The following KANK4 variants were observed in gnomAD, a reference collection of about 807,000 sequenced individuals.
KANK4 encodes KN motif and ankyrin repeat domains 4.
In KANK4, 50 loss-of-function variants were observed where a neutral mutation model predicts 80.8. That is an observed-to-expected ratio of 0.62 (90% confidence interval 0.49 to 0.78). The LOEUF is 0.78. Ranked by LOEUF, KANK4 falls within the 30% of genes least tolerant of loss-of-function variation. The probability of loss-of-function intolerance (pLI) is 0.00; values close to 1 mark genes in which losing one functional copy is unlikely to be tolerated. For synonymous variants in KANK4, 465 were observed against 506.9 expected (o/e 0.92, Z 1.11); for missense variants, 1,196 against 1,240.1 (o/e 0.96, Z 0.53).
chr1:62,257,758 C>T (rs1377121196), intron 7 of KANK4, among the ~76,000 whole-genome samples: 1 of 152,200 alleles, frequency 6.6e-6, no homozygotes, highest in Non-Finnish European at 1.5e-5. Context: ...CCCCAACCCC[C>T]TTCTTACTTT....
At chr1:62,290,474 A>G (rs1672655434) in intron 1 of KANK4, among the ~76,000 whole-genome samples, 1 of 152,226 alleles carries the variant, frequency 6.6e-6, no homozygotes, top group African/African-American at 2.4e-5. Flanking sequence ...CAAGAAGAGC[A>G]CAGCTCAGTA....
rs1435622132 is a variant in KANK4 at position 62,281,569 on chromosome 1, G to A, written c.-5C>T. On this transcript the variant is annotated 5_prime_UTR_variant, in exon 2 of 10. Transcript: ENST00000371153. ...CCTACCATCTGTCTTCTCCATCTTT[G>A]GAGCGCTGACCCTCAGTGTCTCAGG... The A allele has an allele frequency of 1.2e-6, 2 of 1,613,982 alleles. No individual in the cohort carries two copies. Among genetic ancestry groups the A allele is most frequent in the African/African-American group, 1.3e-5 (1 of 74,890 alleles).
chr1:62,268,683 G>A (rs532615917), intron 4 of KANK4, among the ~76,000 whole-genome samples, 178 bp from the exon 5 acceptor site: 3 of 152,246 alleles, frequency 2.0e-5, no homozygotes, highest in Admixed American at 2.0e-4. Flanking sequence ...AGAAAGACAT[G>A]CAGTAAAGGG....
At chr1:62,305,472 C>T (rs1410423208) in intron 1 of KANK4, among the ~76,000 whole-genome samples, 2 of 152,116 alleles carry the variant, frequency 1.3e-5, no homozygotes, top group East Asian at 1.9e-4. Flanking sequence ...CCAAGCCTGG[C>T]TAATTTTTTT....
At chr1:62,252,947 C>G (rs1365003667) in intron 8 of KANK4, 120 bp downstream of exon 8, 56 of 1,242,016 alleles carry the variant, frequency 4.5e-5, no homozygotes, top group Non-Finnish European at 6.1e-5. Context: ...ATTTGGAGGT[C>G]CCAGCCTCCT....
intron 1 of KANK4, among the ~76,000 whole-genome samples, chr1:62,313,921 C>T (rs1057227422): frequency 2.0e-5 from 3 of 152,122 alleles, no homozygotes; most frequent in African/African-American, 4.8e-5. Flanking sequence ...CATTCATACT[C>T]AACGTCGTAC....
intron 2 of KANK4, 67 bp from the exon 3 acceptor site, chr1:62,275,154 G>T: frequency 8.4e-7 from 1 of 1,195,996 alleles, no homozygotes; most frequent in Non-Finnish European, 1.2e-6. Context: ...GGGCGATGAG[G>T]CCTAATATCT....
chr1:62,242,441 C>G (rs1671367372), intron 9 of KANK4, among the ~76,000 whole-genome samples: 1 of 148,178 alleles, frequency 6.7e-6, no homozygotes, highest in African/African-American at 2.5e-5. Context: ...GTGTGTGTAT[C>G]CATGTGTTGG....
At position 62,273,289 on chromosome 1, in the gene KANK4, G is replaced by A. The variant is rs61623093; in HGVS notation, c.1815C>T (p.Ser605=). The A allele has an allele frequency of 0.061, 97,466 of 1,589,914 alleles. 4,772 individuals carry two copies. The highest frequency in any genetic ancestry group is 0.24 in the African/African-American group (17,483 of 74,324). ...AGGCCGACAGCAGCAGGTTGAGGGA[G>A]CTCAGCAGCTGGCTCTGGATGCTGC... is the stretch of plus-strand genomic sequence containing the variant. The part of the protein sequence containing the change: ...KLSSIQSQLL[S]SLNLLLSAYS... The change falls in exon 3 of 10, where the codon AGC becomes AGT. Residue 605 remains serine (S), a synonymous_variant. Transcript: ENST00000371153.
In KANK4 at chr1:62,274,690, T is replaced by C. The variant is rs2149144172; in HGVS notation, c.414A>G (p.Arg138=). 1.9e-6 allele frequency: 3 copies of C among 1,614,148 alleles called. No individual in the cohort carries two copies. The highest frequency in any genetic ancestry group is 2.5e-6 in the Non-Finnish European group (3 of 1,180,020). ...CCTCTGGCTCAGCAGCTTCCAACTGTCTGGTGGCCTCTGCCAACAGAGCCT... is the reference window on the plus strand; with the variant it reads ...CCTCTGGCTCAGCAGCTTCCAACTGCCTGGTGGCCTCTGCCAACAGAGCCT... The part of the protein sequence containing the change: ...HRKALLAEAT[R]QLEAAEPEDA... The change falls in exon 3 of 10, where the codon AGA becomes AGG. Residue 138 remains arginine (R), a synonymous_variant. Transcript: ENST00000371153.
rs188224056 is a variant in KANK4 at position 62,236,732 on chromosome 1, T to C, written c.*1545A>G. Among the ~76,000 whole-genome samples, 42 of 151,792 alleles carry C rather than the reference T, an allele frequency of 2.8e-4. No individual in the cohort carries two copies. Among genetic ancestry groups the C allele is most frequent in the African/African-American group, 9.9e-4 (41 of 41,408 alleles). On this transcript the variant is annotated 3_prime_UTR_variant, in exon 10 of 10. Transcript: ENST00000371153. ...GCCTCAGCCTCCCAAGTAGCTGGAATTACAGGCGCCTGCCACCACGCCCCA... is the reference window on the plus strand; with the variant it reads ...GCCTCAGCCTCCCAAGTAGCTGGAACTACAGGCGCCTGCCACCACGCCCCA...
intron 1 of KANK4, among the ~76,000 whole-genome samples, chr1:62,306,906 C>T (rs1490074056): frequency 1.3e-5 from 2 of 152,208 alleles, no homozygotes; most frequent in East Asian, 3.9e-4. Context: ...CACACAAACA[C>T]ACAGAAACAT....
At chr1:62,314,533 C>T (rs1166623223) in intron 1 of KANK4, among the ~76,000 whole-genome samples, 2 of 151,940 alleles carry the variant, frequency 1.3e-5, no homozygotes, top group Admixed American at 6.6e-5. Context: ...GAATCGGCAC[C>T]GAAGGCTGCT....
In KANK4 at chr1:62,271,541, T is replaced by C. The variant is rs773300026; in HGVS notation, c.1949A>G (p.Tyr650Cys). Reference sequence around the variant, plus strand: ...CCCATTACCTCCTGCACGGAAGCCATAGTCTTTCTTTTTCATTATGGATTT... The same window carrying C: ...CCCATTACCTCCTGCACGGAAGCCACAGTCTTTCTTTTTCATTATGGATTT... ...SLKSIMKKKD[Y>C]GFRAGGNGTK... The change falls in exon 4 of 10, where the codon TAT (tyrosine) becomes TGT (cysteine). Residue 650 changes from tyrosine to cysteine, a missense_variant. Around this residue, in one of 3 missense-constraint regions of KANK4, gnomAD observed 1,154 missense variants for 1,179.6 expected, o/e 0.98. Transcript: ENST00000371153. 5 of 1,613,880 alleles carry C rather than the reference T, an allele frequency of 3.1e-6. No individual in the cohort carries two copies. The highest frequency in any genetic ancestry group is 4.5e-5 in the East Asian group (2 of 44,888).
chr1:62,297,070 AGCCGG>A (rs1290103596), intron 1 of KANK4, among the ~76,000 whole-genome samples: 2 of 151,842 alleles, frequency 1.3e-5, no homozygotes, highest in Non-Finnish European at 2.9e-5. Flanking sequence ...TACAAAAATT[AGCCGG>A]GTGTGGTGAT....
At chr1:62,296,803 G>C (rs113047132) in intron 1 of KANK4, among the ~76,000 whole-genome samples, 6,939 of 152,100 alleles carry the variant, frequency 0.046, 477 homozygotes, top group African/African-American at 0.15. Context: ...GCCTCCCAAA[G>C]TGTTAGGATT....
intron 1 of KANK4, among the ~76,000 whole-genome samples, chr1:62,310,587 T>C (rs1193638856): frequency 6.6e-6 from 1 of 152,158 alleles, no homozygotes; most frequent in African/African-American, 2.4e-5. Flanking sequence ...GATGCGGCAC[T>C]GGGCACTGGG....
chr1:62,295,730 T>C (rs1644358283), intron 1 of KANK4, among the ~76,000 whole-genome samples: 1 of 152,154 alleles, frequency 6.6e-6, no homozygotes, highest in African/African-American at 2.4e-5. Context: ...CATGTACTGG[T>C]CCTCAGTGTG....
Position 62,238,206 on chromosome 1 carries a change from C to A in KANK4, c.*71G>T. 1 of 1,110,622 alleles carries A rather than the reference C, an allele frequency of 9.0e-7. No individual in the cohort carries two copies. The highest frequency in any genetic ancestry group is 2.0e-5 in the Admixed American group (1 of 50,226). 68.8% of individuals were successfully genotyped at this position (1,110,622 alleles called of 1,614,324 possible). ...TGGCTCTCTGGCCTGTGACCTCTGC[C>A]CTCTTCAAGGGCGAGGGAGGAGTCC... On this transcript the variant is annotated 3_prime_UTR_variant, in exon 10 of 10. Transcript: ENST00000371153.
Sources: gnomAD v4.1 joint callset for allele counts (sites outside exome capture counted in the v4.1 genomes callset) on GRCh38, gnomAD v4.1.1 for gene constraint, gnomAD v4.1.1 regional missense constraint, MANE v1.5 for transcripts, NCBI Gene and HGNC (gene_info 2026-07-23, HGNC 2026-07-21) for gene names.